PALLD: variants seen among roughly 807,000 people sequenced by gnomAD.
The protein encoded by PALLD is palladin.
In PALLD, 61 loss-of-function variants were observed where a neutral mutation model predicts 123.5. The observed-to-expected ratio is 0.49, with a 90% CI of 0.40 to 0.61. The LOEUF is 0.61. Ranked by LOEUF, PALLD falls within the 20% of genes least tolerant of loss-of-function variation. The probability of loss-of-function intolerance (pLI) is 0.00; values close to 1 mark genes in which losing one functional copy is unlikely to be tolerated. For synonymous variants in PALLD, 465 were observed against 496.4 expected, an observed-to-expected ratio of 0.94 and a Z score of 0.84; for missense variants, 1,273 against 1,377.0, an observed-to-expected ratio of 0.92 and a Z score of 1.20.
chr4:168,511,900 C>T lies in PALLD; in HGVS notation c.396C>T (p.Ser132=), dbSNP rs911403689. 4.3e-6 allele frequency: 7 copies of T among 1,614,074 alleles called. No individual in the cohort carries two copies. Among genetic ancestry groups the T allele is most frequent in the Non-Finnish European group, 5.9e-6 (7 of 1,180,034 alleles). Residue 132 remains serine (S), a synonymous_variant, in exon 2 of 22, where the codon AGC becomes AGT. Transcript: ENST00000505667. ...PAMSPLLTRP[S]YIRSLRKAEK... ...TGTCACCCCTGCTCACCAGGCCCAG[C>T]TACATCCGGAGCCTCCGAAAGGCTG...
Position 168,860,208 on chromosome 4 carries a change from A to T in PALLD, c.1965-30714A>T, listed in dbSNP as rs533745452. On this transcript the variant is annotated intron_variant, in intron 10 of 21. Transcript: ENST00000505667. ...TCTGAAAACTGCTGCTGAGTGTACA[A>T]ACCAGGTAACAGTAATAAGGGCCAA... 7.2e-5 allele frequency among the ~76,000 whole-genome samples: 11 copies of T among 152,286 alleles called. No individual in the cohort carries two copies. The South Asian group carries it at 2.3e-3, about 32-fold the overall frequency.
At chr4:168,673,533 C>T (rs3109206) in intron 3 of PALLD, among the ~76,000 whole-genome samples, 81,033 of 152,054 alleles carry the variant, frequency 0.53, 22,842 homozygotes, top group African/African-American at 0.71. Flanking sequence ...CTATAGTCAC[C>T]GTTAGTTTGG....
At chr4:168,883,923 A>T (rs13129673) in intron 10 of PALLD, among the ~76,000 whole-genome samples, 73,172 of 143,044 alleles carry the variant, frequency 0.51, 21,190 homozygotes, top group East Asian at 0.87. Flanking sequence ...ATACTATTTT[A>T]TTTTTTTTTA....
At chr4:168,915,029 C>T (rs973153437) in intron 16 of PALLD, among the ~76,000 whole-genome samples, 11 of 152,334 alleles carry the variant, frequency 7.2e-5, no homozygotes, top group Admixed American at 2.6e-4. Context: ...CTTTGCTTCT[C>T]TTGTTGTCTG....
intron 2 of PALLD, among the ~76,000 whole-genome samples, chr4:168,551,899 A>G (rs1766773837): frequency 6.6e-6 from 1 of 152,192 alleles, no homozygotes; most frequent in African/African-American, 2.4e-5. Context: ...TGACATTTCC[A>G]ATTTTCAGAT....
At chr4:168,537,073 C>T (rs1765173483) in intron 2 of PALLD, among the ~76,000 whole-genome samples, 1 of 152,190 alleles carries the variant, frequency 6.6e-6, no homozygotes, top group African/African-American at 2.4e-5. Context: ...GATCCGCTGC[C>T]TCGGCCTCCC....
At chr4:168,658,950 T>C (rs958204832) in intron 2 of PALLD, among the ~76,000 whole-genome samples, 7 of 152,220 alleles carry the variant, frequency 4.6e-5, no homozygotes, top group Admixed American at 2.6e-4. Context: ...AGTCATGAAA[T>C]TATAGCCATA....
In PALLD at chr4:168,891,039, C is replaced by T. The variant is rs1221077482; in HGVS notation, c.2082C>T (p.Leu694=). 4.3e-6 allele frequency: 7 copies of T among 1,614,018 alleles called. No homozygotes were observed. The Admixed American group carries it at 1.2e-4, about 27-fold the overall frequency. Residue 694 remains leucine (L), a synonymous_variant, in exon 11 of 22, where the codon CTC becomes CTT. Coordinates refer to ENST00000505667, the MANE Select transcript of PALLD (RefSeq NM_001166108.2). ...LERKLRFKED[L]LNNGQPRLTY... Reference sequence around the variant, plus strand: ...GAAAACTTCGCTTCAAGGAGGACCTCCTGAACAATGGCCAGCCGGTACTGA... The same window carrying T: ...GAAAACTTCGCTTCAAGGAGGACCTTCTGAACAATGGCCAGCCGGTACTGA...
intron 18 of PALLD, among the ~76,000 whole-genome samples, chr4:168,923,104 T>C (rs1761909376): frequency 6.6e-6 from 1 of 152,250 alleles, no homozygotes; most frequent in African/African-American, 2.4e-5. Context: ...TGGTAGATGT[T>C]ATTCTTACTG....
chr4:168,846,314 G>A (rs543498598), intron 10 of PALLD, among the ~76,000 whole-genome samples: 75 of 152,290 alleles, frequency 4.9e-4, no homozygotes, highest in Non-Finnish European at 8.5e-4. Flanking sequence ...AAATATGTCC[G>A]TTTGATATGG....
At chr4:168,889,384 C>T (rs1299186546) in intron 10 of PALLD, among the ~76,000 whole-genome samples, 1 of 151,676 alleles carries the variant, frequency 6.6e-6, no homozygotes, top group Non-Finnish European at 1.5e-5. Flanking sequence ...AGCTGGTCTC[C>T]AACTCCTGAC....
chr4:168,598,451 T>C, intron 2 of PALLD: 1 of 618,562 alleles, frequency 1.6e-6, no homozygotes, highest in Non-Finnish European at 3.2e-6. Context: ...GGCTTCTGCA[T>C]GACTGGTAAC....
intron 3 of PALLD, among the ~76,000 whole-genome samples, chr4:168,679,274 G>A (rs1781260131): frequency 1.1e-5 from 1 of 91,016 alleles, no homozygotes; most frequent in East Asian, 4.0e-4. Flanking sequence ...GGTGTGTGTG[G>A]TGGGGTGAGT....
At chr4:168,791,712 T>C (rs181684124) in intron 10 of PALLD, among the ~76,000 whole-genome samples, 1 of 152,322 alleles carries the variant, frequency 6.6e-6, no homozygotes, top group Non-Finnish European at 1.5e-5. Flanking sequence ...ATTTTAAGCT[T>C]GGTGTTGATT....
At chr4:168,788,742 C>CTCTG (rs1737105302) in intron 10 of PALLD, among the ~76,000 whole-genome samples, 1 of 152,002 alleles carries the variant, frequency 6.6e-6, no homozygotes, top group African/African-American at 2.4e-5. Flanking sequence ...CATGGGGAAT[C>CTCTG]TCTGTACCTT....
At chr4:168,704,649 C>A (rs60123075) in intron 8 of PALLD, among the ~76,000 whole-genome samples, 25,223 of 130,414 alleles carry the variant, frequency 0.19, 2,766 homozygotes, top group East Asian at 0.34. Flanking sequence ...TGGGCGACAG[C>A]ACGAGACTCT....
chr4:168,730,635 A>G (rs1787073144), intron 10 of PALLD, among the ~76,000 whole-genome samples: 1 of 151,940 alleles, frequency 6.6e-6, no homozygotes, highest in African/African-American at 2.4e-5. Context: ...TTACCCTAGG[A>G]TTGGGCAAGA....
intron 10 of PALLD, among the ~76,000 whole-genome samples, chr4:168,782,330 A>G (rs1242311310): frequency 6.6e-6 from 1 of 152,216 alleles, no homozygotes; most frequent in African/African-American, 2.4e-5. Context: ...CCATAGGTAG[A>G]TGCTTAATTT....
intron 10 of PALLD, among the ~76,000 whole-genome samples, chr4:168,721,422 G>A (rs1786002780): frequency 6.6e-6 from 1 of 151,840 alleles, no homozygotes; most frequent in Non-Finnish European, 1.5e-5. Flanking sequence ...TAGACAAAAT[G>A]ATATATGTAA....
Sources: allele counts gnomAD v4.1 joint callset (sites outside exome capture counted in the v4.1 genomes callset), GRCh38; gene constraint gnomAD v4.1.1; transcripts MANE v1.5; gene names NCBI Gene and HGNC (gene_info 2026-07-23, HGNC 2026-07-21).